Variants in DLL4 observed in about 807,000 individuals in gnomAD.
The protein encoded by DLL4 is delta-like protein 4.
In DLL4, 7 loss-of-function variants were observed where a neutral mutation model predicts 73.6. The observed-to-expected ratio is 0.10, with a 90% CI of 0.05 to 0.18. The LOEUF is 0.18. Among genes scored for constraint, DLL4 ranks in the 10% least tolerant of loss-of-function variants. DLL4 has a pLI of 1.00. For synonymous variants in DLL4, 345 were observed against 374.3 expected (o/e 0.92, Z 0.90); for missense variants, 614 against 929.9 (o/e 0.66, Z 4.42).
At position 40,934,898 on chromosome 15, in the gene DLL4, G is replaced by T. The variant is rs771260384; in HGVS notation, c.1021G>T (p.Asp341Tyr). Reference sequence around the variant, plus strand: ...TGGCCCCTTTATGGTCTCTCTCCAGGACCAGGAGGATGGCTACCACTGCCT... The same window carrying T: ...TGGCCCCTTTATGGTCTCTCTCCAGTACCAGGAGGATGGCTACCACTGCCT... ...NPCRNGGSCK[D>Y]QEDGYHCLCP... Residue 341 changes from aspartate (D) to tyrosine (Y), a missense_variant and splice_region_variant, in exon 8 of 11, where the codon GAC becomes TAC. Physicochemically the swap from Asp to Tyr is radical, Grantham distance 160. Transcript: ENST00000249749. 9.3e-6 allele frequency: 15 copies of T among 1,613,428 alleles called. No homozygotes were observed. Among genetic ancestry groups the T allele is most frequent in the Non-Finnish European group, 1.2e-5 (14 of 1,179,794 alleles).
At position 40,937,070 on chromosome 15, in the gene DLL4, CAG is replaced by C. The variant is rs540449474; in HGVS notation, c.1943+141_1943+142del. 238 of 713,282 alleles carry C rather than the reference CAG, an allele frequency of 3.3e-4. No individual in the cohort carries two copies. In the African/African-American group the frequency reaches 3.7e-3, roughly 11 times the overall value. The allele number at this position is 713,282 out of a possible 1,614,324, so 44.2% of individuals were successfully genotyped here. On this transcript the variant is annotated intron_variant, in intron 9 of 10. Transcript: ENST00000249749. ...GAAGATCCTCCAGTAGGATTTCTGT[CAG>C]GGGTCCTTTGTCCTTCCCTCCCATT...
intron 9 of DLL4, 41 bp downstream of exon 9, chr15:40,936,971 C>G (rs746415104): frequency 8.1e-6 from 12 of 1,489,108 alleles, no homozygotes; most frequent in African/African-American, 2.8e-5. Flanking sequence ...CCACCGGCCC[C>G]GACATGGTTC....
chr15:40,937,966 A>G, intron 10 of DLL4, 63 bp from the exon 11 acceptor site: 1 of 1,586,286 alleles, frequency 6.3e-7, no homozygotes, highest in Non-Finnish European at 8.6e-7. Flanking sequence ...AGGCCCAGGG[A>G]GGGCCTGGAG....
chr15:40,937,397 G>A (rs368544153), intron 9 of DLL4, 21 bp from the exon 10 acceptor site: 21 of 1,532,168 alleles, frequency 1.4e-5, no homozygotes, highest in South Asian at 1.0e-4. Flanking sequence ...TCCCTTACAC[G>A]CCTGTCTTGT....
In DLL4 at chr15:40,938,087, C is replaced by T; in HGVS notation, c.*53C>T. 2.0e-6 allele frequency: 3 copies of T among 1,506,636 alleles called. No individual in the cohort carries two copies. The highest frequency in any genetic ancestry group is 4.8e-5 in the East Asian group (2 of 41,464). 93.3% of individuals were successfully genotyped at this position (1,506,636 alleles called of 1,614,324 possible). A position where few individuals can be genotyped will look rare whatever the true frequency, so the allele number is the denominator to read the frequency against. On this transcript the variant is annotated 3_prime_UTR_variant, in exon 11 of 11. Coordinates refer to ENST00000249749, the MANE Select transcript of DLL4 (RefSeq NM_019074.4). ...TCAGCCCCGCGGCTGGACCTTCCTT[C>T]TGCATTGTTTACATTGCATCCTGGA...
chr15:40,937,491 T>G lies in DLL4; in HGVS notation c.2017T>G (p.Ser673Ala). ...CATGTACCAGTCTGTGTGTTTGATATCAGAGGAGAGGAATGAATGTGTCAT... is the reference window on the plus strand; with the variant it reads ...CATGTACCAGTCTGTGTGTTTGATAGCAGAGGAGAGGAATGAATGTGTCAT... ...DSMYQSVCLI[S>A]EERNECVIAT... The change falls in exon 10 of 11, where the codon TCA (serine) becomes GCA (alanine). Residue 673 changes from serine (S) to alanine (A), a missense_variant. By Grantham distance (99) the Ser-to-Ala change is moderately conservative. Transcript: ENST00000249749. The G allele has an allele frequency of 6.2e-7, 1 of 1,613,664 alleles. No homozygotes were observed. The highest frequency in any genetic ancestry group is 1.1e-5 in the South Asian group (1 of 91,080).
At position 40,938,832 on chromosome 15, in the gene DLL4, A is replaced by C. The variant is rs1254190763; in HGVS notation, c.*798A>C. 1 of 152,566 alleles carries C rather than the reference A, an allele frequency of 6.6e-6. No homozygotes were observed. The highest frequency in any genetic ancestry group is 2.4e-5 in the African/African-American group (1 of 41,430). The allele number at this position is 152,566 out of a possible 1,614,324, so 9.5% of individuals were successfully genotyped here. Reference sequence around the variant, plus strand: ...GGCCGCCTGGGCCCTTTCCTCCCTCAAGCCCATCTCCACAACCTCGAGCCT... The same window carrying C: ...GGCCGCCTGGGCCCTTTCCTCCCTCCAGCCCATCTCCACAACCTCGAGCCT... On this transcript the variant is annotated 3_prime_UTR_variant, in exon 11 of 11. Coordinates refer to ENST00000249749, the MANE Select transcript of DLL4 (RefSeq NM_019074.4).
intron 5 of DLL4, 24 bp from the exon 6 acceptor site, chr15:40,932,293 C>T (rs747875256): frequency 1.4e-4 from 225 of 1,613,922 alleles, no homozygotes; most frequent in Non-Finnish European, 1.8e-4. Context: ...TCTCACCTCA[C>T]TCTGCCTCTC....
rs1003914586 is a variant in DLL4 at position 40,932,245 on chromosome 15, A to T, written c.719+14A>T. On this transcript the variant is annotated intron_variant, in intron 5 of 10. Transcript: ENST00000249749. ...AGCAGAGTGCCTGTGAGTAGGGGAC[A>T]GGAAGTGGTGAGTGGGAGCCCTCCC... 8 of 1,614,038 alleles carry T rather than the reference A, an allele frequency of 5.0e-6. No individual in the cohort carries two copies. In the African/African-American group the frequency reaches 1.1e-4, roughly 22 times the overall value.
chr15:40,931,847 C>A, intron 4 of DLL4, 81 bp downstream of exon 4: 1 of 1,552,022 alleles, frequency 6.4e-7, no homozygotes, highest in East Asian at 2.3e-5. Flanking sequence ...CACAGCTTGC[C>A]TCCCTTGAAG....
intron 7 of DLL4, 58 bp downstream of exon 7, chr15:40,934,775 A>C (rs1312275644): frequency 4.4e-6 from 7 of 1,594,028 alleles, no homozygotes; most frequent in Non-Finnish European, 6.0e-6. Flanking sequence ...GGGCATCCCT[A>C]ACCTAGGCAG....
In DLL4 at chr15:40,935,129, T is replaced by C. The variant is rs1892825202; in HGVS notation, c.1240+12T>C. ...CCCCTGTGCCAACGGTGCGTGCTGC[T>C]GCCCTGCTAACCTGGTGGACTGGCC... On this transcript the variant is annotated intron_variant, in intron 8 of 10. Transcript: ENST00000249749. 6.2e-7 allele frequency: 1 copy of C among 1,607,340 alleles called. No homozygotes were observed. Among genetic ancestry groups the C allele is most frequent in the African/African-American group, 1.3e-5 (1 of 74,864 alleles).
At chr15:40,931,325 G>C in intron 3 of DLL4, 178 bp from the exon 4 acceptor site, 1 of 681,448 alleles carries the variant, frequency 1.5e-6, no homozygotes, top group South Asian at 1.9e-5. Context: ...GGGCAGCTAC[G>C]TAGCGGGGCT....
intron 5 of DLL4, 21 bp from the exon 6 acceptor site, chr15:40,932,296 T>G (rs375671530): frequency 1.9e-5 from 31 of 1,613,920 alleles, no homozygotes; most frequent in East Asian, 1.8e-4. Context: ...CACCTCACTC[T>G]GCCTCTCTCT....
Position 40,930,646 on chromosome 15 carries a change from G to C in DLL4, c.358G>C (p.Glu120Gln). 1 of 1,613,786 alleles carries C rather than the reference G, an allele frequency of 6.2e-7. No homozygotes were observed. Among genetic ancestry groups the C allele is most frequent in the East Asian group, 2.2e-5 (1 of 44,880 alleles). Reference sequence around the variant, plus strand: ...CCAGGGTACCTTCTCGCTCATCATCGAAGCTTGGCACGCGCCAGGAGACGA... The same window carrying C: ...CCAGGGTACCTTCTCGCTCATCATCCAAGCTTGGCACGCGCCAGGAGACGA... ...TWPGTFSLII[E>Q]AWHAPGDDLR... Residue 120 changes from glutamate to glutamine, a missense_variant, in exon 3 of 11, where the codon GAA (glutamate) becomes CAA (glutamine). Glu to Gln is a conservative substitution (Grantham distance 29, BLOSUM62 2). Transcript: ENST00000249749. The surrounding 1 kb of genome is among the most constrained non-coding windows in gnomAD (Gnocchi z 5.7).
Position 40,935,224 on chromosome 15 carries a change from C to A in DLL4, c.1240+107C>A. ...GCGAGGCATTGTCTGCCACTCTGGC[C>A]CCCCATCTGCTCTGGAGGGCGAAGA... On this transcript the variant is annotated intron_variant, in intron 8 of 10. Transcript: ENST00000249749. The A allele has an allele frequency of 5.4e-6, 6 of 1,110,712 alleles. No individual in the cohort carries two copies. In the East Asian group the frequency reaches 1.6e-4, roughly 29 times the overall value. The allele number at this position is 1,110,712 out of a possible 1,614,324, so 68.8% of individuals were successfully genotyped here.
At position 40,936,731 on chromosome 15, in the gene DLL4, G is replaced by A; in HGVS notation, c.1744G>A (p.Ala582Thr). ...SDFQKDNLIP[A>T]AQLKNTNQKK... ...CTTCCAGAAGGACAACCTGATTCCT[G>A]CCGCCCAGCTTAAAAACACAAACCA... Residue 582 changes from alanine to threonine, a missense_variant, in exon 9 of 11, where the codon GCC (alanine) becomes ACC (threonine). Physicochemically the swap from Ala to Thr is moderately conservative, Grantham distance 58. Coordinates refer to ENST00000249749, the MANE Select transcript of DLL4 (RefSeq NM_019074.4). 1 of 1,613,858 alleles carries A rather than the reference G, an allele frequency of 6.2e-7. No homozygotes were observed. Among genetic ancestry groups the A allele is most frequent in the Non-Finnish European group, 8.5e-7 (1 of 1,179,892 alleles).
chr15:40,933,268 T>TTG (rs113508793), intron 6 of DLL4, among the ~76,000 whole-genome samples: 1,626 of 147,048 alleles, frequency 0.011, 15 homozygotes, highest in African/African-American at 0.021. Flanking sequence ...AGTCCCTGTG[T>TTG]TGTGTGTGTG....
At position 40,930,982 on chromosome 15, in the gene DLL4, G is replaced by C. The variant is rs552173929; in HGVS notation, c.394+300G>C. The stretch of plus-strand genomic sequence containing the variant: ...GTATTTTACACCTTTCGCGAATTCC[G>C]CTCCTTTGGAAAGGGAATAATGGCT... On this transcript the variant is annotated intron_variant, in intron 3 of 10. Coordinates refer to ENST00000249749, the MANE Select transcript of DLL4 (RefSeq NM_019074.4). This position sits in a 1 kb window ranked among gnomAD's most constrained non-coding sequence, Gnocchi z 5.7. 1.9e-6 allele frequency: 1 copy of C among 515,520 alleles called. No individual in the cohort carries two copies. Among genetic ancestry groups the C allele is most frequent in the Non-Finnish European group, 3.5e-6 (1 of 289,538 alleles). 31.9% of individuals were successfully genotyped at this position (515,520 alleles called of 1,614,324 possible).
Sources: gnomAD v4.1 joint callset for allele counts (sites outside exome capture counted in the v4.1 genomes callset) on GRCh38, gnomAD v4.1.1 for gene constraint, Gnocchi (gnomAD v3.1) non-coding constraint, MANE v1.5 for transcripts, NCBI Gene and HGNC (gene_info 2026-07-23, HGNC 2026-07-21) for gene names.